COL11A1: variants seen among roughly 807,000 people sequenced by gnomAD.
COL11A1 encodes the protein collagen alpha-1(XI) chain.
A neutral mutation model predicts 265.2 loss-of-function variants in COL11A1; 74 were observed. That is an observed-to-expected ratio of 0.28 (90% CI 0.23 to 0.34). COL11A1 has a LOEUF of 0.34. Ranked by LOEUF, COL11A1 falls within the 10% of genes least tolerant of loss-of-function variation. The pLI is 1.00. For missense variants in COL11A1, 2,165 were observed against 2,263.6 expected (o/e 0.96, Z 0.88); for synonymous variants, 816 against 727.6 (o/e 1.12, Z -1.96).
chr1:102,943,982 T>C (rs1338888703), intron 42 of COL11A1, among the ~76,000 whole-genome samples: 1 of 152,114 alleles, frequency 6.6e-6, no homozygotes, highest in East Asian at 1.9e-4. Context: ...AGCCCCTTTC[T>C]TCTTACCTGC....
At chr1:103,027,558 T>C (rs1475291580) in intron 5 of COL11A1, among the ~76,000 whole-genome samples, 2 of 151,204 alleles carry the variant, frequency 1.3e-5, no homozygotes, top group Non-Finnish European at 3.0e-5. Flanking sequence ...CATAATTCCT[T>C]AAGTAGTGTA....
chr1:102,928,683 A>G (rs1656960267), intron 46 of COL11A1, among the ~76,000 whole-genome samples: 1 of 148,252 alleles, frequency 6.7e-6, no homozygotes, highest in South Asian at 2.2e-4. Flanking sequence ...GACTTCGACA[A>G]TGGTTGAACT....
chr1:102,947,292 A>T (rs1659397358), intron 41 of COL11A1, among the ~76,000 whole-genome samples: 1 of 152,188 alleles, frequency 6.6e-6, no homozygotes, highest in African/African-American at 2.4e-5. Flanking sequence ...TATATCTAAT[A>T]ACCTCCTACA....
chr1:103,062,285 T>A (rs1394812279), intron 4 of COL11A1, among the ~76,000 whole-genome samples: 3 of 151,966 alleles, frequency 2.0e-5, no homozygotes, highest in Admixed American at 6.6e-5. Context: ...TCTGCAACCT[T>A]TTTCAGAATA....
intron 4 of COL11A1, among the ~76,000 whole-genome samples, chr1:103,069,983 G>A (rs1671450312): frequency 6.6e-6 from 1 of 151,590 alleles, no homozygotes; most frequent in Admixed American, 6.6e-5. Context: ...ATGCCACTTT[G>A]AAAAATAGTT....
chr1:102,962,801 T>G (rs1227178995), intron 38 of COL11A1, 41 bp from the exon 39 acceptor site: 1 of 1,573,466 alleles, frequency 6.4e-7, no homozygotes, highest in African/African-American at 1.3e-5. Context: ...TGCTCTTTTA[T>G]TTTTGGCAAA....
intron 46 of COL11A1, among the ~76,000 whole-genome samples, chr1:102,931,551 G>GA (rs749554432): frequency 6.6e-6 from 1 of 152,236 alleles, no homozygotes; most frequent in Admixed American, 6.5e-5. Flanking sequence ...TTGTGGTGCT[G>GA]AAAAAAATGT....
chr1:103,001,804 T>C (rs1160805839), intron 24 of COL11A1, 121 bp downstream of exon 24: 3 of 839,758 alleles, frequency 3.6e-6, no homozygotes, highest in African/African-American at 3.4e-5. Flanking sequence ...TCCAGATTAA[T>C]TCCTTATGTG....
chr1:102,949,771 T>C (rs17127286), intron 41 of COL11A1, among the ~76,000 whole-genome samples: 15,401 of 152,164 alleles, frequency 0.1, 846 homozygotes, highest in African/African-American at 0.13. Flanking sequence ...CCTTGACTCA[T>C]TGTACCCATA....
At chr1:102,980,745 G>T (rs1178483317) in intron 31 of COL11A1, among the ~76,000 whole-genome samples, 1 of 151,856 alleles carries the variant, frequency 6.6e-6, no homozygotes, top group African/African-American at 2.4e-5. Flanking sequence ...GAATAATCTA[G>T]AGTAGTTGCT....
At chr1:103,006,025 A>T (rs750191106) in intron 17 of COL11A1, 43 bp downstream of exon 17, 1 of 1,612,334 alleles carries the variant, frequency 6.2e-7, no homozygotes, top group Non-Finnish European at 8.5e-7. Context: ...TTCCAGAGTG[A>T]ACTGACACAG....
chr1:102,912,178 G>T lies in COL11A1; in HGVS notation c.4067C>A (p.Pro1356Gln), dbSNP rs986400534. The change falls in exon 54 of 67, where the codon CCA becomes CAA. Residue 1356 changes from proline to glutamine, a missense_variant. Coordinates refer to ENST00000370096, the MANE Select transcript of COL11A1 (RefSeq NM_001854.4). ...ACTTACTCGTTTTCCAGGAGGACCT[G>T]GTGGGCCAGCCTCACCAGATGGGCC... ...PPGPSGEAGPPGPPGKRGPPG... is the reference protein window; with the variant it reads ...PPGPSGEAGPQGPPGKRGPPG... The T allele has an allele frequency of 3.7e-6, 6 of 1,611,522 alleles. No individual in the cohort carries two copies. Among genetic ancestry groups the T allele is most frequent in the Admixed American group, 3.4e-5 (2 of 59,692 alleles).
In COL11A1 at chr1:102,876,933, T is replaced by C. The variant is rs1459684886; in HGVS notation, c.*1086A>G. The C allele has an allele frequency of 6.6e-6, 1 of 152,436 alleles. No individual in the cohort carries two copies. The highest frequency in any genetic ancestry group is 2.4e-5 in the African/African-American group (1 of 41,434). The allele number at this position is 152,436 out of a possible 1,614,324, so 9.4% of individuals were successfully genotyped here. A position where few individuals can be genotyped will look rare whatever the true frequency, so the allele number is the denominator to read the frequency against. On this transcript the variant is annotated 3_prime_UTR_variant, in exon 67 of 67. Transcript: ENST00000370096. ...TTGAAAGGAAAAAAGTAATATTTGT[T>C]GGGCAAGTAAAATAATTTTCGAGAC...
At chr1:103,018,568 G>C (rs1281664456) in intron 10 of COL11A1, among the ~76,000 whole-genome samples, 2 of 152,086 alleles carry the variant, frequency 1.3e-5, no homozygotes, top group Non-Finnish European at 2.9e-5. Context: ...TATTTCAGTA[G>C]AAAGACGAAA....
chr1:102,965,686 T>G (rs1372389612), intron 37 of COL11A1, 146 bp from the exon 38 acceptor site: 1 of 651,298 alleles, frequency 1.5e-6, no homozygotes, highest in African/African-American at 1.9e-5. Flanking sequence ...ATATGTTTAA[T>G]ATGTTAAACT....
intron 3 of COL11A1, among the ~76,000 whole-genome samples, chr1:103,075,067 A>G (rs1285235891): frequency 6.6e-6 from 1 of 152,128 alleles, no homozygotes; most frequent in Non-Finnish European, 1.5e-5. Context: ...TGTAGTAACA[A>G]AAGCTTAATC....
intron 36 of COL11A1, among the ~76,000 whole-genome samples, chr1:102,971,204 C>G (rs1172164820): frequency 6.6e-6 from 1 of 152,134 alleles, no homozygotes; most frequent in Non-Finnish European, 1.5e-5. Context: ...TTGTGAAGTA[C>G]CACAGAGCAA....
At chr1:102,939,201 TGTCACTG>T in intron 43 of COL11A1, 113 bp from the exon 44 acceptor site, 2 of 955,062 alleles carry the variant, frequency 2.1e-6, no homozygotes, top group Non-Finnish European at 3.3e-6. Context: ...TAGTGTGTAA[TGTCACTG>T]TTTAAAATGG....
intron 54 of COL11A1, among the ~76,000 whole-genome samples, chr1:102,902,877 CAT>C (rs60305543): frequency 1.2e-4 from 18 of 150,642 alleles, no homozygotes; most frequent in Admixed American, 4.6e-4. Context: ...GGTACACACA[CAT>C]ATATATATAC....
Sources: gnomAD v4.1 joint callset for allele counts (sites outside exome capture counted in the v4.1 genomes callset) on GRCh38, gnomAD v4.1.1 for gene constraint, MANE v1.5 for transcripts, NCBI Gene and HGNC (gene_info 2026-07-23, HGNC 2026-07-21) for gene names.